The following SV2C variants were observed in gnomAD, a reference collection of about 807,000 sequenced individuals.
SV2C encodes solute carrier family 22 member B3.
Under a neutral mutation model 79.7 loss-of-function variants are expected in SV2C, and 49 were observed. That is an observed-to-expected ratio of 0.61 (90% confidence interval 0.49 to 0.78). SV2C has a LOEUF of 0.78. SV2C is among the 30% of genes least tolerant of loss of function. The pLI is 0.00. For missense variants in SV2C, 833 were observed against 912.9 expected (o/e 0.91, Z 1.13); for synonymous variants, 334 against 333.2 (o/e 1.00, Z -0.03).
At chr5:75,859,080 A>T in the SV2C span, among the ~76,000 whole-genome samples, 1 of 150,168 alleles carries the variant, frequency 6.7e-6, no homozygotes, top group African/African-American at 2.5e-5. Flanking sequence ...TTGTGTTTCA[A>T]TTTTATTTCT....
chr5:76,016,528 C>G, the SV2C span, among the ~76,000 whole-genome samples: 11 of 152,254 alleles, frequency 7.2e-5, no homozygotes, highest in African/African-American at 2.4e-4. Flanking sequence ...CTTGAAACCT[C>G]TCAGTATCTT....
At chr5:76,170,812 G>A (rs1743201526) in intron 2 of SV2C, 1 of 224,890 alleles carries the variant, frequency 4.4e-6, no homozygotes, top group East Asian at 9.0e-5. Context: ...CGGTGGCTTA[G>A]GGAGCCCGTC....
the SV2C span, among the ~76,000 whole-genome samples, chr5:75,873,642 T>C: frequency 5.3e-5 from 8 of 152,274 alleles, no homozygotes; most frequent in African/African-American, 1.7e-4. Context: ...GTAGCATACT[T>C]AAAATTTAAA....
At chr5:76,041,633 T>G in the SV2C span, among the ~76,000 whole-genome samples, 1 of 152,148 alleles carries the variant, frequency 6.6e-6, no homozygotes, top group East Asian at 1.9e-4. Context: ...CCCCTCATCT[T>G]ATGAACTTTG....
At chr5:76,244,333 T>C (rs1022628560) in intron 4 of SV2C, among the ~76,000 whole-genome samples, 5 of 152,212 alleles carry the variant, frequency 3.3e-5, no homozygotes, top group African/African-American at 1.2e-4. Flanking sequence ...CAAAACATGG[T>C]GCCAAGGCAA....
chr5:76,007,302 TA>T, the SV2C span, among the ~76,000 whole-genome samples: 8 of 151,760 alleles, frequency 5.3e-5, no homozygotes, highest in African/African-American at 1.9e-4. Flanking sequence ...AATGAAAACA[TA>T]AGCGTATAGT....
At chr5:75,952,215 AT>A in the SV2C span, among the ~76,000 whole-genome samples, 1 of 151,706 alleles carries the variant, frequency 6.6e-6, no homozygotes, top group African/African-American at 2.4e-5. Context: ...AACTTAACTT[AT>A]TCTGATTTCC....
At chr5:76,093,513 C>A (rs968401680) in intron 1 of SV2C, among the ~76,000 whole-genome samples, 2 of 152,210 alleles carry the variant, frequency 1.3e-5, no homozygotes, top group African/African-American at 4.8e-5. Context: ...CCCTCATGAG[C>A]AATTCTATCA....
At chr5:75,850,561 A>G in the SV2C span, among the ~76,000 whole-genome samples, 1 of 152,204 alleles carries the variant, frequency 6.6e-6, no homozygotes, top group African/African-American at 2.4e-5. Flanking sequence ...GGTAGTGACT[A>G]TCTAGGTTGG....
chr5:76,124,804 A>G (rs949498341), intron 1 of SV2C, among the ~76,000 whole-genome samples: 4 of 152,166 alleles, frequency 2.6e-5, no homozygotes, highest in African/African-American at 9.6e-5. Flanking sequence ...GATTTTTGCT[A>G]GTAGCCATCC....
chr5:76,348,942 C>T (rs973652528), intron 12 of SV2C, among the ~76,000 whole-genome samples: 10 of 151,990 alleles, frequency 6.6e-5, no homozygotes, highest in African/African-American at 1.9e-4. Context: ...GAGTTTGCAG[C>T]GAGCCGAGAC....
the SV2C span, among the ~76,000 whole-genome samples, chr5:75,884,167 G>A: frequency 2.6e-5 from 4 of 152,072 alleles, no homozygotes; most frequent in Non-Finnish European, 5.9e-5. Flanking sequence ...ATGCTCCCTG[G>A]GTGTGAGCAT....
the SV2C span, among the ~76,000 whole-genome samples, chr5:76,054,685 T>G: frequency 1.3e-5 from 2 of 152,220 alleles, no homozygotes; most frequent in Non-Finnish European, 2.9e-5. Context: ...TAATTGACAT[T>G]CTGACTGGCA....
At chr5:76,096,839 GC>G (rs1395875449) in intron 1 of SV2C, among the ~76,000 whole-genome samples, 1 of 152,166 alleles carries the variant, frequency 6.6e-6, no homozygotes, top group Non-Finnish European at 1.5e-5. Context: ...CTTTCTCTCT[GC>G]CTGACTGTCT....
At chr5:76,057,441 G>A in the SV2C span, among the ~76,000 whole-genome samples, 87,445 of 149,268 alleles carry the variant, frequency 0.59, 27,499 homozygotes, top group African/African-American at 0.83. Flanking sequence ...ATGTGTTCTC[G>A]TTGTTCAATT....
the SV2C span, among the ~76,000 whole-genome samples, chr5:75,927,301 T>C: frequency 6.6e-6 from 1 of 152,154 alleles, no homozygotes; most frequent in African/African-American, 2.4e-5. Flanking sequence ...TACAATGGAA[T>C]ATTATTCAGC....
chr5:76,153,088 C>G (rs1353381325), intron 2 of SV2C, among the ~76,000 whole-genome samples: 1 of 152,198 alleles, frequency 6.6e-6, no homozygotes, highest in Non-Finnish European at 1.5e-5. Flanking sequence ...CAAATTCTCT[C>G]CAGCCTGGGA....
chr5:76,136,615 A>G (rs1244143943), intron 2 of SV2C, among the ~76,000 whole-genome samples: 7 of 152,202 alleles, frequency 4.6e-5, no homozygotes, highest in Non-Finnish European at 7.4e-5. Context: ...TTGGAAACTG[A>G]TGAAAACTCA....
the SV2C span, among the ~76,000 whole-genome samples, chr5:75,994,197 T>G: frequency 6.6e-6 from 1 of 152,096 alleles, no homozygotes; most frequent in Non-Finnish European, 1.5e-5. Flanking sequence ...AAATCATGTC[T>G]ATATGTGATC....
Sources: allele counts gnomAD v4.1 joint callset (sites outside exome capture counted in the v4.1 genomes callset), GRCh38; gene constraint gnomAD v4.1.1; transcripts MANE v1.5; gene names NCBI Gene and HGNC (gene_info 2026-07-23, HGNC 2026-07-21).